The following CPED1 variants were observed in gnomAD, a reference collection of about 807,000 sequenced individuals.
The protein encoded by CPED1 is cadherin like and PC-esterase domain containing 1, also known as cadherin-like and PC-esterase domain-containing protein 1.
Under a neutral mutation model 128.2 loss-of-function variants are expected in CPED1, and 114 were observed. The observed-to-expected ratio is 0.89, with a 90% CI of 0.76 to 1.04. CPED1 has a LOEUF of 1.04. Ranked by LOEUF, CPED1 falls within the 50% of genes least tolerant of loss-of-function variation. The pLI, the probability that CPED1 is intolerant of heterozygous loss-of-function variation, is 0.00. For synonymous variants in CPED1, 462 were observed against 426.7 expected (o/e 1.08, Z -1.02); for missense variants, 1,211 against 1,207.1 (o/e 1.00, Z -0.05).
At chr7:121,083,734 A>G (rs1201189486) in intron 5 of CPED1, 1 of 152,106 alleles carries the variant, frequency 6.6e-6, no homozygotes, top group African/African-American at 2.4e-5. Flanking sequence ...CTTTTCTTCC[A>G]TCTAAGTACT....
chr7:121,060,540 C>A (rs905759258), intron 4 of CPED1, among the ~76,000 whole-genome samples: 6 of 152,202 alleles, frequency 3.9e-5, no homozygotes, highest in Non-Finnish European at 7.3e-5. Context: ...GTGAATGCAC[C>A]AGTCCACTCT....
chr7:121,189,568 A>G (rs954524097), intron 16 of CPED1, among the ~76,000 whole-genome samples: 6 of 151,738 alleles, frequency 4.0e-5, no homozygotes, highest in Non-Finnish European at 8.8e-5. Flanking sequence ...ACAATTCAAC[A>G]TGAGATTTGG....
At chr7:121,242,808 T>C (rs1296331038) in intron 17 of CPED1, among the ~76,000 whole-genome samples, 1 of 152,124 alleles carries the variant, frequency 6.6e-6, no homozygotes, top group Non-Finnish European at 1.5e-5. Context: ...CTCATCTCCT[T>C]TCCCTCCGAT....
chr7:121,082,225 T>A (rs1255135713), intron 5 of CPED1, among the ~76,000 whole-genome samples: 2 of 152,172 alleles, frequency 1.3e-5, no homozygotes, highest in African/African-American at 4.8e-5. Flanking sequence ...TATAGAGTTA[T>A]GAAAATGCTT....
chr7:121,149,860 T>G (rs1796112722), intron 16 of CPED1, among the ~76,000 whole-genome samples: 1 of 152,204 alleles, frequency 6.6e-6, no homozygotes, highest in African/African-American at 2.4e-5. Flanking sequence ...AGGGAACCTC[T>G]TTTTGATTAA....
chr7:121,203,121 C>T (rs1320072172), intron 16 of CPED1, among the ~76,000 whole-genome samples: 1 of 152,094 alleles, frequency 6.6e-6, no homozygotes. Flanking sequence ...TTTCCACTCT[C>T]CTCACTCTTT....
chr7:121,172,806 A>G (rs755841049), intron 16 of CPED1, among the ~76,000 whole-genome samples: 57 of 152,204 alleles, frequency 3.7e-4, no homozygotes, highest in Non-Finnish European at 7.1e-4. Flanking sequence ...GGAAACCTAG[A>G]GTAAATGCAT....
chr7:121,231,272 G>A (rs1798134307), intron 16 of CPED1, among the ~76,000 whole-genome samples: 1 of 152,072 alleles, frequency 6.6e-6, no homozygotes, highest in African/African-American at 2.4e-5. Context: ...CTTCACAGAT[G>A]GAAGAAGATT....
intron 3 of CPED1, among the ~76,000 whole-genome samples, chr7:121,034,113 A>T (rs1792815224): frequency 6.6e-6 from 1 of 152,186 alleles, no homozygotes; most frequent in Non-Finnish European, 1.5e-5. Context: ...AATTTGGCAT[A>T]AGGAATGTCT....
intron 16 of CPED1, among the ~76,000 whole-genome samples, chr7:121,217,570 C>T (rs1797785716): frequency 6.6e-6 from 1 of 152,018 alleles, no homozygotes; most frequent in South Asian, 2.1e-4. Context: ...GCATATGCTT[C>T]AGTTCACTGG....
At position 121,111,353 on chromosome 7, in the gene CPED1, A is replaced by G. The variant is rs1359287179; in HGVS notation, c.918+11259A>G. On this transcript the variant is annotated intron_variant, in intron 7 of 22. Transcript: ENST00000310396. ...CTACCACTTCTAAATGAATAGAAGAATAACTGTAGCTATTTGCCCATCCTG... is the reference window on the plus strand; with the variant it reads ...CTACCACTTCTAAATGAATAGAAGAGTAACTGTAGCTATTTGCCCATCCTG... Among the ~76,000 whole-genome samples the G allele has an allele frequency of 2.0e-5, 3 of 152,332 alleles. No homozygotes were observed. In the East Asian group the frequency reaches 5.8e-4, roughly 29 times the overall value.
At chr7:121,295,203 T>G (rs1792799306) in intron 22 of CPED1, among the ~76,000 whole-genome samples, 2 of 150,594 alleles carry the variant, frequency 1.3e-5, no homozygotes, top group African/African-American at 2.5e-5. Context: ...CATCTGAGAC[T>G]GTTCCTTAGT....
intron 7 of CPED1, among the ~76,000 whole-genome samples, chr7:121,108,676 A>C (rs1219886891): frequency 6.6e-6 from 1 of 152,098 alleles, no homozygotes; most frequent in Non-Finnish European, 1.5e-5. Flanking sequence ...TGGTATAAAT[A>C]TGCAAAGTAC....
intron 16 of CPED1, among the ~76,000 whole-genome samples, chr7:121,198,612 T>C (rs1392329851): frequency 1.3e-5 from 2 of 152,054 alleles, no homozygotes; most frequent in African/African-American, 2.4e-5. Context: ...TCAGCTGCCA[T>C]TGGGGTTGTC....
At chr7:121,176,564 G>A (rs1482220204) in intron 16 of CPED1, among the ~76,000 whole-genome samples, 1 of 151,948 alleles carries the variant, frequency 6.6e-6, no homozygotes, top group Non-Finnish European at 1.5e-5. Context: ...TGAAAGGATT[G>A]ATTTATTAGC....
At chr7:121,138,748 T>C (rs971452689) in intron 14 of CPED1, among the ~76,000 whole-genome samples, 15 of 152,084 alleles carry the variant, frequency 9.9e-5, no homozygotes, top group African/African-American at 3.4e-4. Flanking sequence ...CTCTTTGTTA[T>C]TCACTTTGCT....
chr7:121,212,696 GA>G (rs34133954), intron 16 of CPED1, among the ~76,000 whole-genome samples: 17 of 150,902 alleles, frequency 1.1e-4, no homozygotes, highest in Admixed American at 7.9e-4. Flanking sequence ...GAATTCATTG[GA>G]AAAAAAAATG....
intron 3 of CPED1, among the ~76,000 whole-genome samples, chr7:121,024,260 A>G (rs1792512076): frequency 6.6e-6 from 1 of 152,102 alleles, no homozygotes; most frequent in Non-Finnish European, 1.5e-5. Context: ...ATTTACTTTA[A>G]TTTTTGAAAA....
chr7:121,210,885 C>T (rs1431802829), intron 16 of CPED1, among the ~76,000 whole-genome samples: 2 of 152,056 alleles, frequency 1.3e-5, no homozygotes, highest in Non-Finnish European at 1.5e-5. Flanking sequence ...GTGATTATTA[C>T]ACATTGTATG....
Sources: gnomAD v4.1 joint callset for allele counts (sites outside exome capture counted in the v4.1 genomes callset) on GRCh38, gnomAD v4.1.1 for gene constraint, MANE v1.5 for transcripts, NCBI Gene and HGNC (gene_info 2026-07-23, HGNC 2026-07-21) for gene names.